Variants in RBM5 observed in about 807,000 individuals in gnomAD.
RBM5 encodes RNA binding motif protein 5.
RBM5 carries 15 observed loss-of-function variants against 124.6 expected under a neutral mutation model. That is an observed-to-expected ratio of 0.12 (90% CI 0.08 to 0.19). The LOEUF is 0.19. Ranked by LOEUF, RBM5 falls within the 10% of genes least tolerant of loss-of-function variation. The pLI, the probability that RBM5 is intolerant of heterozygous loss-of-function variation, is 1.00. For missense variants in RBM5, 580 were observed against 1,026.5 expected (o/e 0.57, Z 5.94); for synonymous variants, 337 against 361.2 (o/e 0.93, Z 0.76).
Position 50,117,062 on chromosome 3 carries a change from TC to T in RBM5, c.2095-11del. The T allele has an allele frequency of 6.2e-7, 1 of 1,610,978 alleles. No homozygotes were observed. Among genetic ancestry groups the T allele is most frequent in the African/African-American group, 1.3e-5 (1 of 74,936 alleles). ...TGTGAACATTTCCAGCAGTGTTTTT[TC>T]TCCCATGTAGATGAAATACCGAGAC... On this transcript the variant is annotated splice_polypyrimidine_tract_variant and intron_variant, in intron 22 of 24. Coordinates refer to ENST00000347869, the MANE Select transcript of RBM5 (RefSeq NM_005778.4). This position sits in a 1 kb window ranked among gnomAD's most constrained non-coding sequence, Gnocchi z 4.2.
chr3:50,117,205 T>TG lies in RBM5; in HGVS notation c.2192+38dup, dbSNP rs1405254986. ...TGTGCACATTTTCCAGTTCGTAAGC[T>TG]GGGGCCCTGGCTGTTTTAAGTAACT... On this transcript the variant is annotated intron_variant, in intron 23 of 24. Coordinates refer to ENST00000347869, the MANE Select transcript of RBM5 (RefSeq NM_005778.4). The surrounding 1 kb of genome is among the most constrained non-coding windows in gnomAD (Gnocchi z 4.2). The TG allele has an allele frequency of 2.5e-6, 4 of 1,614,104 alleles. No homozygotes were observed. The highest frequency in any genetic ancestry group is 3.4e-6 in the Non-Finnish European group (4 of 1,180,038).
intron 12 of RBM5, 81 bp from the exon 13 acceptor site, chr3:50,107,989 T>G: frequency 8.2e-7 from 1 of 1,215,664 alleles, no homozygotes; most frequent in Non-Finnish European, 1.2e-6. Context: ...CCCAGCATCA[T>G]GAGCTCATTT....
intron 22 of RBM5, chr3:50,116,664 C>T (rs1575340946): frequency 3.9e-6 from 1 of 253,206 alleles, no homozygotes; most frequent in East Asian, 1.0e-4. Flanking sequence ...GACTGCTGAA[C>T]AGGTCTCTGG....
intron 1 of RBM5, among the ~76,000 whole-genome samples, chr3:50,089,703 C>T (rs2108980552): frequency 6.6e-6 from 1 of 152,168 alleles, no homozygotes; most frequent in Middle Eastern, 3.4e-3. Context: ...ACTGATTTTT[C>T]GGACCTCGCG....
chr3:50,117,109 G>A lies in RBM5; in HGVS notation c.2130G>A (p.Glu710=). 1 of 1,614,214 alleles carries A rather than the reference G, an allele frequency of 6.2e-7. No individual in the cohort carries two copies. The highest frequency in any genetic ancestry group is 8.5e-7 in the Non-Finnish European group (1 of 1,180,028). The change falls in exon 23 of 25, where the codon GAG becomes GAA. Residue 710 remains glutamate, a synonymous_variant. Transcript: ENST00000347869. This position sits in a 1 kb window ranked among gnomAD's most constrained non-coding sequence, Gnocchi z 4.2. ...KYRDRAAERR[E]KYGIPEPPEP... ...GAGACCGAGCTGCAGAAAGACGGGA[G>A]AAGTACGGCATTCCAGAACCTCCAG... is the stretch of plus-strand genomic sequence containing the variant.
Position 50,107,516 on chromosome 3 carries a change from G to T in RBM5, c.988G>T (p.Ala330Ser), listed in dbSNP as rs2091054980. The change falls in exon 12 of 25, where the codon GCT becomes TCT. Residue 330 changes from alanine to serine, a missense_variant. Ala to Ser is a moderately conservative substitution (Grantham distance 99, BLOSUM62 1). This residue lies in a region of RBM5 where 42 missense variants were observed against 101.1 expected (regional missense o/e 0.42). Transcript: ENST00000347869. ...LVLSDGNRVSAFSVASTAIAA... is the reference protein window; with the variant it reads ...LVLSDGNRVSSFSVASTAIAA... ...CCTCTCAGATGGTAACCGCGTCAGC[G>T]CTTTCTCTGTAGCTAGTACGGCTAT... The T allele has an allele frequency of 1.2e-6, 2 of 1,609,796 alleles. No homozygotes were observed. Among genetic ancestry groups the T allele is most frequent in the African/African-American group, 2.7e-5 (2 of 74,758 alleles).
At position 50,117,546 on chromosome 3, in the gene RBM5, C is replaced by T. The variant is rs1050600469; in HGVS notation, c.2322+167C>T. ...CTGTAATCCCAGCACTTTGGGAGGC[C>T]GAGGAGGGTGGATTGCCTGAGCCCA... On this transcript the variant is annotated intron_variant, in intron 24 of 24. Coordinates refer to ENST00000347869, the MANE Select transcript of RBM5 (RefSeq NM_005778.4). This position sits in a 1 kb window ranked among gnomAD's most constrained non-coding sequence, Gnocchi z 4.2. 1.7e-5 allele frequency: 16 copies of T among 953,278 alleles called. No individual in the cohort carries two copies. Among genetic ancestry groups the T allele is most frequent in the South Asian group, 3.6e-5 (2 of 56,072 alleles). 59.1% of individuals were successfully genotyped at this position (953,278 alleles called of 1,614,324 possible).
Position 50,090,451 on chromosome 3 carries a change from G to A in RBM5, c.17G>A (p.Arg6Lys). 6.2e-7 allele frequency: 1 copy of A among 1,613,958 alleles called. No individual in the cohort carries two copies. Among genetic ancestry groups the A allele is most frequent in the Non-Finnish European group, 8.5e-7 (1 of 1,179,946 alleles). ...AGTGGGACAATGGGTTCAGACAAAA[G>A]GTAAGTTACTACAGTACGTGGCTTT... MGSDK[R>K]VSRTERSGRY... Residue 6 changes from arginine (R) to lysine (K), a missense_variant and splice_region_variant, in exon 2 of 25, where the codon AGA becomes AAA. Physicochemically the swap from Arg to Lys is conservative, Grantham distance 26 (BLOSUM62 2). Around this residue, in one of 6 missense-constraint regions of RBM5, gnomAD observed 99 missense variants for 121.1 expected, o/e 0.82. Transcript: ENST00000347869.
chr3:50,103,937 G>A (rs1004611687), intron 7 of RBM5, among the ~76,000 whole-genome samples: 4 of 152,212 alleles, frequency 2.6e-5, no homozygotes, highest in Non-Finnish European at 5.9e-5. Context: ...AGGATGGGAT[G>A]TATAGTGCTC....
intron 3 of RBM5, 63 bp downstream of exon 3, chr3:50,092,271 C>G: frequency 6.6e-7 from 1 of 1,517,456 alleles, no homozygotes; most frequent in Non-Finnish European, 8.9e-7. Flanking sequence ...ATAGAAATAA[C>G]AGCCAGGCAG....
At chr3:50,115,836 T>C (rs563527635) in intron 21 of RBM5, 70 bp from the exon 22 acceptor site, 1 of 1,389,810 alleles carries the variant, frequency 7.2e-7, no homozygotes, top group Admixed American at 1.7e-5. Context: ...CAGTAGATGT[T>C]ACTAATGTTA....
intron 7 of RBM5, among the ~76,000 whole-genome samples, chr3:50,103,808 T>C (rs946124928): frequency 6.6e-6 from 1 of 152,230 alleles, no homozygotes; most frequent in African/African-American, 2.4e-5. Flanking sequence ...GCTAAAGTTA[T>C]ATAAGGTTTA....
In RBM5 at chr3:50,113,931, G is replaced by A. The variant is rs753742425; in HGVS notation, c.1618-19G>A. Reference sequence around the variant, plus strand: ...GGGGATTAAATATTTTTTTGTTGGTGTTTGTTGTTTGACATTAGATTGCCA... The same window carrying A: ...GGGGATTAAATATTTTTTTGTTGGTATTTGTTGTTTGACATTAGATTGCCA... On this transcript the variant is annotated intron_variant, in intron 18 of 24. Transcript: ENST00000347869. 1.2e-6 allele frequency: 2 copies of A among 1,604,736 alleles called. No homozygotes were observed. The highest frequency in any genetic ancestry group is 1.7e-6 in the Non-Finnish European group (2 of 1,176,306).
chr3:50,114,370 TG>T lies in RBM5; in HGVS notation c.1839+122del. On this transcript the variant is annotated intron_variant, in intron 20 of 24. Transcript: ENST00000347869. Reference sequence around the variant, plus strand: ...TAAAACTGAATGTGATCACTGTTGATGGGTATTGGAGCAGTTTCTGCACATA... The same window carrying T: ...TAAAACTGAATGTGATCACTGTTGATGGTATTGGAGCAGTTTCTGCACATA... 3 of 1,005,986 alleles carry T rather than the reference TG, an allele frequency of 3.0e-6. No individual in the cohort carries two copies. In the South Asian group the frequency reaches 5.2e-5, roughly 17 times the overall value. The allele number at this position is 1,005,986 out of a possible 1,614,324, so 62.3% of individuals were successfully genotyped here. A position where few individuals can be genotyped will look rare whatever the true frequency, so the allele number is the denominator to read the frequency against.
intron 4 of RBM5, among the ~76,000 whole-genome samples, chr3:50,096,928 G>A (rs2090829743): frequency 6.6e-6 from 1 of 152,088 alleles, no homozygotes; most frequent in Non-Finnish European, 1.5e-5. Flanking sequence ...GGCCCTTCAG[G>A]CGGAGGGGTA....
At chr3:50,105,210 C>G in intron 9 of RBM5, 68 bp downstream of exon 9, 1 of 1,318,662 alleles carries the variant, frequency 7.6e-7, no homozygotes, top group Non-Finnish European at 1.1e-6. Context: ...AGATGGAGAC[C>G]ATCCTGGCTA....
intron 10 of RBM5, 57 bp downstream of exon 10, chr3:50,105,766 T>C (rs2091015918): frequency 1.9e-6 from 3 of 1,574,210 alleles, no homozygotes; most frequent in Non-Finnish European, 2.6e-6. Context: ...GAGGCAAATG[T>C]GGTTCATCCA....
At chr3:50,111,605 C>G (rs1353987178) in intron 17 of RBM5, among the ~76,000 whole-genome samples, 1 of 152,104 alleles carries the variant, frequency 6.6e-6, no homozygotes, top group African/African-American at 2.4e-5. Context: ...GAACTCCTGA[C>G]CTTAAGTGAT....
At chr3:50,099,888 AC>A in intron 4 of RBM5, 93 bp from the exon 5 acceptor site, 9 of 1,141,598 alleles carry the variant, frequency 7.9e-6, no homozygotes, top group Non-Finnish European at 1.1e-5. Flanking sequence ...AAAAAAAAAA[AC>A]TTGGCTAATT....
Sources: gnomAD v4.1 joint callset for allele counts (sites outside exome capture counted in the v4.1 genomes callset) on GRCh38, gnomAD v4.1.1 for gene constraint, gnomAD v4.1.1 regional missense constraint, Gnocchi (gnomAD v3.1) non-coding constraint, MANE v1.5 for transcripts, NCBI Gene and HGNC (gene_info 2026-07-23, HGNC 2026-07-21) for gene names.